Variants in PALD1 observed in about 807,000 individuals in gnomAD.
PALD1 encodes paladin.
PALD1 carries 57 observed loss-of-function variants against 96.0 expected under a neutral mutation model. That is an observed-to-expected ratio of 0.59 (90% CI 0.48 to 0.74). PALD1 has a LOEUF of 0.74. Among genes scored for constraint, PALD1 ranks in the 30% least tolerant of loss-of-function variants. PALD1 has a pLI of 0.00. For synonymous variants in PALD1, 464 were observed against 473.6 expected (o/e 0.98, Z 0.26); for missense variants, 1,063 against 1,143.7 (o/e 0.93, Z 1.02).
In PALD1 at chr10:70,544,219, G is replaced by A. The variant is rs572141319; in HGVS notation, c.2121+2685G>A. Among the ~76,000 whole-genome samples the A allele has an allele frequency of 8.5e-5, 13 of 152,288 alleles. No individual in the cohort carries two copies. The South Asian group carries it at 2.7e-3, about 32-fold the overall frequency. The stretch of plus-strand genomic sequence containing the variant: ...ATTTGAGTGCCTTTGGGGAAGATGA[G>A]TGAGTATCCTTGGTGAGGAGGGGAG... On this transcript the variant is annotated intron_variant, in intron 17 of 19. Transcript: ENST00000263563.
In PALD1 at chr10:70,566,645, G is replaced by A. The variant is rs1418004776; in HGVS notation, c.2483G>A (p.Gly828Glu). Residue 828 changes from glycine (G) to glutamate (E), a missense_variant, in exon 20 of 20, where the codon GGG becomes GAG. Gly to Glu is a moderately conservative substitution (Grantham distance 98, BLOSUM62 -2). Transcript: ENST00000263563. ...CTGGGCTTCCCCGAGCTGGAGAGCG[G>A]GGAGGACCAGCCCTTCTCCAGGCTG... Reference protein sequence around the residue: ...NELGFPELESGEDQPFSRLRY... With the variant: ...NELGFPELESEEDQPFSRLRY... The A allele has an allele frequency of 1.2e-6, 2 of 1,610,104 alleles. No homozygotes were observed. The highest frequency in any genetic ancestry group is 8.5e-7 in the Non-Finnish European group (1 of 1,178,740).
chr10:70,537,604 A>G (rs1337433690), intron 10 of PALD1, among the ~76,000 whole-genome samples: 1 of 152,246 alleles, frequency 6.6e-6, no homozygotes, highest in African/African-American at 2.4e-5. Context: ...GGTCACCCAC[A>G]TATCTCCCCT....
intron 1 of PALD1, among the ~76,000 whole-genome samples, chr10:70,488,658 G>A (rs1182480521): frequency 1.3e-5 from 2 of 152,182 alleles, no homozygotes; most frequent in East Asian, 3.8e-4. Context: ...ATCCGGCCAT[G>A]TATCATGCAG....
chr10:70,527,042 G>A (rs967124144), intron 2 of PALD1, among the ~76,000 whole-genome samples: 19 of 152,136 alleles, frequency 1.2e-4, no homozygotes, highest in African/African-American at 3.9e-4. Context: ...TCTGGTAAGG[G>A]GAGGAAAAGG....
At chr10:70,546,239 G>A in intron 17 of PALD1, among the ~76,000 whole-genome samples, 1 of 152,156 alleles carries the variant, frequency 6.6e-6, no homozygotes, top group East Asian at 1.9e-4. Context: ...TCCATCTCAA[G>A]CAAAACAAAA....
At chr10:70,509,826 T>G (rs770002970) in intron 1 of PALD1, among the ~76,000 whole-genome samples, 10 of 152,200 alleles carry the variant, frequency 6.6e-5, no homozygotes, top group Non-Finnish European at 1.3e-4. Context: ...CAGCTTCTTC[T>G]GAGCGTGCAG....
intron 1 of PALD1, among the ~76,000 whole-genome samples, chr10:70,483,151 G>A (rs1187439451): frequency 6.6e-6 from 1 of 152,166 alleles, no homozygotes; most frequent in Non-Finnish European, 1.5e-5. Flanking sequence ...GGGAATGGCT[G>A]GCCTGGGGTG....
At chr10:70,557,287 A>ATGGGGTG (rs1162528215) in intron 18 of PALD1, among the ~76,000 whole-genome samples, 1 of 151,988 alleles carries the variant, frequency 6.6e-6, no homozygotes, top group Non-Finnish European at 1.5e-5. Context: ...GGCAGGTGGG[A>ATGGGGTG]TGGGGTGTGG....
intron 11 of PALD1, 70 bp from the exon 12 acceptor site, chr10:70,538,210 G>A: frequency 1.3e-6 from 2 of 1,521,496 alleles, no homozygotes; most frequent in Admixed American, 1.7e-5. Flanking sequence ...CCCCTGCCAT[G>A]GTGTGGGCAG....
At chr10:70,481,297 C>T (rs776385238) in intron 1 of PALD1, among the ~76,000 whole-genome samples, 3 of 152,174 alleles carry the variant, frequency 2.0e-5, no homozygotes, top group Admixed American at 6.5e-5. Context: ...TAGGCCGAGG[C>T]GTGCATTGCC....
intron 4 of PALD1, among the ~76,000 whole-genome samples, chr10:70,531,082 G>A (rs1360472628): frequency 6.6e-6 from 1 of 152,180 alleles, no homozygotes; most frequent in Non-Finnish European, 1.5e-5. Context: ...GACCCTGACA[G>A]GAGGCAGGGG....
At chr10:70,490,203 A>G (rs1846077019) in intron 1 of PALD1, among the ~76,000 whole-genome samples, 1 of 152,108 alleles carries the variant, frequency 6.6e-6, no homozygotes, top group South Asian at 2.1e-4. Context: ...GATTACAGGC[A>G]TGAGCCACCA....
intron 18 of PALD1, among the ~76,000 whole-genome samples, chr10:70,553,489 G>A (rs748467519): frequency 5.3e-5 from 8 of 152,176 alleles, no homozygotes; most frequent in African/African-American, 1.9e-4. Flanking sequence ...ACCCAGTGCC[G>A]GCCACACATG....
chr10:70,547,194 A>G, intron 17 of PALD1, 112 bp from the exon 18 acceptor site: 1 of 917,956 alleles, frequency 1.1e-6, no homozygotes, highest in Non-Finnish European at 1.8e-6. Context: ...CTCTCTGTTC[A>G]GCGCCTGGGC....
intron 18 of PALD1, among the ~76,000 whole-genome samples, chr10:70,563,487 G>T (rs12411443): frequency 0.23 from 34,750 of 152,186 alleles, 4,611 homozygotes; most frequent in Admixed American, 0.39. Flanking sequence ...AGATGCTCAG[G>T]CTTGCTTGCT....
At chr10:70,557,789 C>T (rs34147331) in intron 18 of PALD1, among the ~76,000 whole-genome samples, 18,953 of 152,070 alleles carry the variant, frequency 0.12, 1,559 homozygotes, top group Non-Finnish European at 0.17. Flanking sequence ...CAGAGGTCAC[C>T]AGGCCAGGTT....
the PALD1 span, among the ~76,000 whole-genome samples, chr10:70,462,188 G>A: frequency 8.6e-3 from 1,317 of 152,292 alleles, 22 homozygotes; most frequent in African/African-American, 0.029. Flanking sequence ...CCTTGCTTGC[G>A]CAGAGCTCAG....
upstream of PALD1, among the ~76,000 whole-genome samples, chr10:70,478,034 G>T (rs1391655563): frequency 6.6e-6 from 1 of 151,306 alleles, no homozygotes; most frequent in East Asian, 1.9e-4. Flanking sequence ...CGCGTGTGGG[G>T]TGAGGAGTGG....
chr10:70,537,746 A>G, intron 10 of PALD1, 65 bp from the exon 11 acceptor site: 1 of 1,083,046 alleles, frequency 9.2e-7, no homozygotes, highest in Non-Finnish European at 1.4e-6. Context: ...CTGCCCTTGC[A>G]GGGATGGGGA....
Sources: allele counts gnomAD v4.1 joint callset (sites outside exome capture counted in the v4.1 genomes callset), GRCh38; gene constraint gnomAD v4.1.1; transcripts MANE v1.5; gene names NCBI Gene and HGNC (gene_info 2026-07-23, HGNC 2026-07-21).